The following MTUS2 variants were observed in gnomAD, a reference collection of about 807,000 sequenced individuals.
MTUS2 encodes the protein microtubule associated scaffold protein 2.
In MTUS2, 40 loss-of-function variants were observed where a neutral mutation model predicts 114.1. The ratio of observed to expected loss-of-function variants is 0.35; its 90% CI spans 0.27 to 0.46. The LOEUF (loss-of-function observed/expected upper bound fraction) is 0.46, where lower values mean the gene tolerates loss of function less well. Among genes scored for constraint, MTUS2 ranks in the 20% least tolerant of loss-of-function variants. The pLI, the probability that MTUS2 is intolerant of heterozygous loss-of-function variation, is 1.00. For missense variants in MTUS2, 1,679 were observed against 1,705.4 expected, an observed-to-expected ratio of 0.98 and a Z score of 0.27; for synonymous variants, 688 against 672.0, an observed-to-expected ratio of 1.02 and a Z score of -0.37.
At chr13:29,473,407 T>TA (rs912217199) in intron 9 of MTUS2, among the ~76,000 whole-genome samples, 1 of 152,230 alleles carries the variant, frequency 6.6e-6, no homozygotes, top group African/African-American at 2.4e-5. Context: ...AAATTGATCT[T>TA]ACTCGCTGAG....
At chr13:29,492,150 A>ATG (rs147504674) in intron 11 of MTUS2, among the ~76,000 whole-genome samples, 1 of 128,612 alleles carries the variant, frequency 7.8e-6, no homozygotes, top group African/African-American at 3.9e-5. Flanking sequence ...GTAGGTGTGT[A>ATG]TGTGTGTGTG....
chr13:29,452,975 G>A (rs1878837686), intron 9 of MTUS2, among the ~76,000 whole-genome samples: 1 of 152,166 alleles, frequency 6.6e-6, no homozygotes, highest in Non-Finnish European at 1.5e-5. Context: ...GACAACAACA[G>A]TAGTAGATAG....
At chr13:29,247,483 G>T (rs1264843453) in intron 5 of MTUS2, among the ~76,000 whole-genome samples, 1 of 152,196 alleles carries the variant, frequency 6.6e-6, no homozygotes, top group Non-Finnish European at 1.5e-5. Context: ...CACAGAGTCG[G>T]AGAAAATCTT....
At chr13:29,379,773 A>G (rs1450503711) in intron 8 of MTUS2, among the ~76,000 whole-genome samples, 1 of 152,222 alleles carries the variant, frequency 6.6e-6, no homozygotes, top group African/African-American at 2.4e-5. Context: ...TTGAGAAATT[A>G]TTGAGAAATT....
At chr13:29,476,045 T>C (rs1231069863) in intron 9 of MTUS2, among the ~76,000 whole-genome samples, 1 of 152,224 alleles carries the variant, frequency 6.6e-6, no homozygotes, top group Non-Finnish European at 1.5e-5. Context: ...TTTTATCTTT[T>C]ATACCGTATT....
At chr13:29,426,530 A>G (rs537042478) in intron 8 of MTUS2, among the ~76,000 whole-genome samples, 1 of 152,184 alleles carries the variant, frequency 6.6e-6, no homozygotes, top group South Asian at 2.1e-4. Context: ...ACAATTCCCT[A>G]CTTCTCCCTG....
intron 2 of MTUS2, among the ~76,000 whole-genome samples, chr13:28,843,664 T>C (rs1875660748): frequency 1.3e-5 from 2 of 152,252 alleles, no homozygotes; most frequent in African/African-American, 4.8e-5. Context: ...TATTAAATGA[T>C]GCATAAGACT....
In MTUS2 at chr13:29,024,591, G is replaced by A; in HGVS notation, c.-108G>A. The A allele has an allele frequency of 1.5e-6, 2 of 1,354,380 alleles. No homozygotes were observed. The highest frequency in any genetic ancestry group is 1.5e-5 in the African/African-American group (1 of 68,516). The allele number at this position is 1,354,380 out of a possible 1,614,324, so 83.9% of individuals were successfully genotyped here. A position where few individuals can be genotyped will look rare whatever the true frequency, so the allele number is the denominator to read the frequency against. ...AGTGTCGCAAGGTGACATTGTCAGG[G>A]GAGAACAAGCAGCTTGAGAATTTCC... On this transcript the variant is annotated 5_prime_UTR_variant, in exon 3 of 16. Coordinates refer to ENST00000612955, the MANE Select transcript of MTUS2 (RefSeq NM_001033602.4).
chr13:29,225,471 T>G (rs935978412), intron 5 of MTUS2, among the ~76,000 whole-genome samples: 3 of 152,194 alleles, frequency 2.0e-5, no homozygotes, highest in African/African-American at 7.2e-5. Flanking sequence ...CTGTCTCTCT[T>G]TACACAATCA....
intron 5 of MTUS2, among the ~76,000 whole-genome samples, chr13:29,196,937 C>T (rs1301680215): frequency 1.3e-5 from 2 of 152,156 alleles, no homozygotes; most frequent in East Asian, 3.8e-4. Context: ...GTTTCAGTTC[C>T]TGCTTGTATT....
intron 9 of MTUS2, among the ~76,000 whole-genome samples, chr13:29,446,345 A>G (rs563412177): frequency 9.2e-5 from 14 of 152,290 alleles, no homozygotes; most frequent in African/African-American, 3.4e-4. Context: ...TACCCTATCC[A>G]TTTCATTTTA....
At chr13:28,976,825 G>A (rs565534748) in intron 2 of MTUS2, among the ~76,000 whole-genome samples, 14 of 152,290 alleles carry the variant, frequency 9.2e-5, no homozygotes, top group African/African-American at 3.4e-4. Flanking sequence ...AACATTGGAA[G>A]TGAATGGGAG....
intron 5 of MTUS2, among the ~76,000 whole-genome samples, chr13:29,220,792 A>T (rs2139320678): frequency 6.6e-6 from 1 of 152,336 alleles, no homozygotes; most frequent in African/African-American, 2.4e-5. Flanking sequence ...AAGAATGAAC[A>T]TGTGTTGTTG....
At chr13:29,173,312 T>C (rs889377415) in intron 5 of MTUS2, among the ~76,000 whole-genome samples, 8 of 152,184 alleles carry the variant, frequency 5.3e-5, no homozygotes, top group African/African-American at 1.7e-4. Flanking sequence ...AGGCCAAAAG[T>C]GCTTGTCTGC....
intron 5 of MTUS2, among the ~76,000 whole-genome samples, chr13:29,192,618 A>G (rs9551616): frequency 0.084 from 12,786 of 152,242 alleles, 697 homozygotes; most frequent in African/African-American, 0.14. Context: ...TATGATTACT[A>G]TATATGTATT....
chr13:29,470,158 C>T (rs1347523408), intron 9 of MTUS2, among the ~76,000 whole-genome samples: 2 of 152,132 alleles, frequency 1.3e-5, no homozygotes, highest in East Asian at 1.9e-4. Flanking sequence ...CCCCACCGCA[C>T]TGGGGGAGTT....
intron 5 of MTUS2, among the ~76,000 whole-genome samples, chr13:29,178,201 A>G (rs749864339): frequency 6.6e-6 from 1 of 152,208 alleles, no homozygotes; most frequent in Non-Finnish European, 1.5e-5. Context: ...CAGAAATGCT[A>G]TAAAATTTAA....
intron 5 of MTUS2, among the ~76,000 whole-genome samples, chr13:29,274,474 A>G (rs1239216313): frequency 1.3e-5 from 2 of 151,688 alleles, no homozygotes; most frequent in Middle Eastern, 3.2e-3. Flanking sequence ...ACCATTTTAT[A>G]CTCCCATAGC....
rs183635259 is a variant in MTUS2 at position 29,024,845 on chromosome 13, C to G, written c.147C>G (p.Asp49Glu). The change falls in exon 3 of 16, where the codon GAC becomes GAG. Residue 49 changes from aspartate (D) to glutamate (E), a missense_variant. Asp to Glu is a conservative substitution (Grantham distance 45). Coordinates refer to ENST00000612955, the MANE Select transcript of MTUS2 (RefSeq NM_001033602.4). ...QIMLEVSSSH[D>E]ESKTCDLGDE... ...TGTTGGAGGTCAGCTCCTCTCATGA[C>G]GAGTCCAAGACATGTGACCTGGGAG... 1.2e-6 allele frequency: 2 copies of G among 1,613,946 alleles called. No individual in the cohort carries two copies. The highest frequency in any genetic ancestry group is 1.3e-5 in the African/African-American group (1 of 75,036).
Sources: allele counts gnomAD v4.1 joint callset (sites outside exome capture counted in the v4.1 genomes callset), GRCh38; gene constraint gnomAD v4.1.1; transcripts MANE v1.5; gene names NCBI Gene and HGNC (gene_info 2026-07-23, HGNC 2026-07-21).